DCT: variants seen among roughly 807,000 people sequenced by gnomAD.
DCT encodes the protein L-dopachrome tautomerase.
DCT carries 47 observed loss-of-function variants against 53.0 expected under a neutral mutation model. The observed-to-expected ratio is 0.89, with a 90% CI of 0.70 to 1.13. The LOEUF is 1.13. Ranked by LOEUF, DCT falls within the 50% of genes most tolerant of loss-of-function variation. The pLI is 0.00. For missense variants in DCT, 669 were observed against 637.4 expected (o/e 1.05, Z -0.53); for synonymous variants, 244 against 237.0 (o/e 1.03, Z -0.27).
the DCT span, among the ~76,000 whole-genome samples, chr13:94,508,054 T>C: frequency 2.1e-4 from 32 of 152,240 alleles, no homozygotes; most frequent in African/African-American, 6.5e-4. Flanking sequence ...CAAACCTCAG[T>C]TATCTGCAAA....
chr13:94,516,534 A>G, the DCT span, among the ~76,000 whole-genome samples: 19 of 152,216 alleles, frequency 1.2e-4, no homozygotes, highest in African/African-American at 4.6e-4. Context: ...TGTCCCATCC[A>G]AAACTCACGT....
chr13:94,530,794 A>C, the DCT span, among the ~76,000 whole-genome samples: 7 of 152,298 alleles, frequency 4.6e-5, no homozygotes, highest in African/African-American at 1.7e-4. Context: ...GGCCAGGGCA[A>C]TCAGGCAGAA....
At chr13:94,460,344 T>C in intron 5 of DCT, 118 bp from the exon 6 acceptor site, 2 of 889,960 alleles carry the variant, frequency 2.2e-6, no homozygotes, top group Non-Finnish European at 3.4e-6. Flanking sequence ...TATGGGAAGC[T>C]CTGTCATAGC....
the DCT span, among the ~76,000 whole-genome samples, chr13:94,488,723 TACACACACACAC>T: frequency 0.3 from 41,764 of 138,948 alleles, 6,230 homozygotes; most frequent in Non-Finnish European, 0.33. Flanking sequence ...GTCTAATATA[TACACACACACAC>T]ACACACACAC....
In DCT at chr13:94,479,260, T is replaced by C; in HGVS notation, c.-5A>G. On this transcript the variant is annotated 5_prime_UTR_variant, in exon 1 of 8. Coordinates refer to ENST00000377028, the MANE Select transcript of DCT (RefSeq NM_001922.5). ...CCCCCACCAAAGGGGGCTCATGGCT[T>C]TATAATTGGGAGAGCTCTCTCTCTC... 1 of 1,565,828 alleles carries C rather than the reference T, an allele frequency of 6.4e-7. No individual in the cohort carries two copies. Among genetic ancestry groups the C allele is most frequent in the East Asian group, 2.3e-5 (1 of 44,038 alleles).
At chr13:94,516,832 C>T in the DCT span, among the ~76,000 whole-genome samples, 668 of 152,008 alleles carry the variant, frequency 4.4e-3, 10 homozygotes, top group African/African-American at 0.015. Flanking sequence ...TCTCAGCCCC[C>T]ATAACTGTAA....
Position 94,479,360 on chromosome 13 carries a change from TA to T in DCT, c.-106del. The T allele has an allele frequency of 2.7e-6, 3 of 1,113,160 alleles. No individual in the cohort carries two copies. The highest frequency in any genetic ancestry group is 3.8e-6 in the Non-Finnish European group (3 of 798,428). The allele number at this position is 1,113,160 out of a possible 1,614,324, so 69.0% of individuals were successfully genotyped here. A position where few individuals can be genotyped will look rare whatever the true frequency, so the allele number is the denominator to read the frequency against. On this transcript the variant is annotated 5_prime_UTR_variant, in exon 1 of 8. Coordinates refer to ENST00000377028, the MANE Select transcript of DCT (RefSeq NM_001922.5). ...TCAGTCTTTTCTTTTCAGTATTTTT[TA>T]TTTTTCTTTGCTTTCTATTCCTTTC...
the DCT span, among the ~76,000 whole-genome samples, chr13:94,546,582 G>A: frequency 6.6e-6 from 1 of 152,092 alleles, no homozygotes; most frequent in South Asian, 2.1e-4. This position sits in a 1 kb window ranked among gnomAD's most constrained non-coding sequence, Gnocchi z 4.2. Context: ...TAGGGAGCTA[G>A]TCAGGCATGA....
intron 5 of DCT, among the ~76,000 whole-genome samples, chr13:94,460,820 G>A (rs781136400): frequency 5.9e-5 from 9 of 152,162 alleles, no homozygotes; most frequent in African/African-American, 9.7e-5. Context: ...AGAATTATGA[G>A]AAATATGTTT....
At chr13:94,499,606 A>G in the DCT span, among the ~76,000 whole-genome samples, 1 of 152,164 alleles carries the variant, frequency 6.6e-6, no homozygotes, top group Non-Finnish European at 1.5e-5. Context: ...AACATACAAA[A>G]CACCTCTAGT....
intron 1 of DCT, among the ~76,000 whole-genome samples, chr13:94,472,114 T>G (rs1884681414): frequency 6.6e-6 from 1 of 152,210 alleles, no homozygotes; most frequent in Non-Finnish European, 1.5e-5. Context: ...GGGGCCTGAC[T>G]GTTGAAACTG....
At chr13:94,544,614 A>G in the DCT span, among the ~76,000 whole-genome samples, 1 of 152,216 alleles carries the variant, frequency 6.6e-6, no homozygotes, top group East Asian at 1.9e-4. Context: ...ATCCATTAGA[A>G]AAGGAAGTTA....
chr13:94,462,263 T>G, intron 4 of DCT, 74 bp from the exon 5 acceptor site: 1 of 1,198,372 alleles, frequency 8.3e-7, no homozygotes, highest in Non-Finnish European at 1.2e-6. Flanking sequence ...ATCCCAGCAC[T>G]TTGGGAGGTT....
chr13:94,487,715 T>G, the DCT span, among the ~76,000 whole-genome samples: 1 of 152,156 alleles, frequency 6.6e-6, no homozygotes, highest in African/African-American at 2.4e-5. Context: ...TCCTCCCCGT[T>G]TTTTAGCCCC....
the DCT span, among the ~76,000 whole-genome samples, chr13:94,547,123 CTTTT>C: frequency 2.0e-5 from 3 of 148,230 alleles, no homozygotes; most frequent in African/African-American, 5.0e-5. Context: ...TGCTTCTAAA[CTTTT>C]TTTTTTTAAG....
At chr13:94,440,495 C>T (rs1164705997) in intron 7 of DCT, among the ~76,000 whole-genome samples, 1 of 151,844 alleles carries the variant, frequency 6.6e-6, no homozygotes, top group Non-Finnish European at 1.5e-5. Context: ...GAATGATAAA[C>T]CTGTGAGAGG....
chr13:94,483,659 A>G (rs1471565502), upstream of DCT, among the ~76,000 whole-genome samples: 1 of 151,788 alleles, frequency 6.6e-6, no homozygotes, highest in Non-Finnish European at 1.5e-5. Flanking sequence ...CCACCACCAC[A>G]TCTGGCTAAT....
chr13:94,454,817 CTT>C (rs1883305459), intron 6 of DCT, among the ~76,000 whole-genome samples: 1 of 152,184 alleles, frequency 6.6e-6, no homozygotes, highest in Non-Finnish European at 1.5e-5. Context: ...GCATAAAACT[CTT>C]TGAAAATAGC....
At chr13:94,520,501 T>C in the DCT span, among the ~76,000 whole-genome samples, 8 of 152,190 alleles carry the variant, frequency 5.3e-5, no homozygotes, top group African/African-American at 1.4e-4. Flanking sequence ...AAGCAATCTC[T>C]AGCACGTTGA....
Sources: gnomAD v4.1 joint callset for allele counts (sites outside exome capture counted in the v4.1 genomes callset) on GRCh38, gnomAD v4.1.1 for gene constraint, Gnocchi (gnomAD v3.1) non-coding constraint, MANE v1.5 for transcripts, NCBI Gene and HGNC (gene_info 2026-07-23, HGNC 2026-07-21) for gene names.